The following TANC2 variants were observed in gnomAD, a reference collection of about 807,000 sequenced individuals.
TANC2 encodes protein TANC2.
In TANC2, 26 loss-of-function variants were observed where a neutral mutation model predicts 210.5. The ratio of observed to expected loss-of-function variants is 0.12; its 90% CI spans 0.09 to 0.17. The LOEUF (loss-of-function observed/expected upper bound fraction) is 0.17, where lower values mean the gene tolerates loss of function less well. Ranked by LOEUF, TANC2 falls within the 10% of genes least tolerant of loss-of-function variation. The pLI is 1.00. For synonymous variants in TANC2, 931 were observed against 967.1 expected (o/e 0.96, Z 0.69); for missense variants, 2,129 against 2,608.9 (o/e 0.82, Z 4.01).
intron 3 of TANC2, among the ~76,000 whole-genome samples, chr17:63,074,611 C>T (rs2036510253): frequency 6.6e-6 from 1 of 152,062 alleles, no homozygotes; most frequent in Admixed American, 6.5e-5. Context: ...CTTTATAGTA[C>T]TTACCACCTT....
chr17:63,235,419 G>T lies in TANC2; in HGVS notation c.770-2395G>T, dbSNP rs111613569. Among the ~76,000 whole-genome samples the T allele has an allele frequency of 3.6e-3, 554 of 152,128 alleles. 3 individuals are homozygous for T. The highest frequency in any genetic ancestry group is 0.013 in the African/African-American group (531 of 41,532). ...TCTCATAAGGTTTCCAAAGGGTTCT[G>T]TGATATTTCTGATTTCCTTTCTCAG... On this transcript the variant is annotated intron_variant, in intron 7 of 27. Coordinates refer to ENST00000689528, the Ensembl canonical transcript of TANC2.
chr17:63,315,102 C>CT (rs1299805216), intron 10 of TANC2, among the ~76,000 whole-genome samples: 2 of 152,138 alleles, frequency 1.3e-5, no homozygotes, highest in Non-Finnish European at 2.9e-5. Context: ...TGGACTTGAG[C>CT]TTCGTTGTGT....
At chr17:63,195,210 C>T (rs1446114765) in intron 6 of TANC2, among the ~76,000 whole-genome samples, 1 of 152,134 alleles carries the variant, frequency 6.6e-6, no homozygotes, top group East Asian at 1.9e-4. Flanking sequence ...TTATCTCTAG[C>T]CCTGCCTTTT....
At chr17:63,177,264 C>CAAAAA (rs755034454) in intron 5 of TANC2, among the ~76,000 whole-genome samples, 21 of 73,242 alleles carry the variant, frequency 2.9e-4, no homozygotes, top group African/African-American at 1.1e-3. Flanking sequence ...GACTCTGTCT[C>CAAAAA]AAAAAAAAAA....
intron 8 of TANC2, among the ~76,000 whole-genome samples, chr17:63,266,631 T>G (rs1279149027): frequency 6.6e-6 from 1 of 152,162 alleles, no homozygotes; most frequent in Non-Finnish European, 1.5e-5. Flanking sequence ...TTGGATTTCT[T>G]GATTAAAATT....
chr17:63,364,981 C>T (rs540715154), intron 14 of TANC2, among the ~76,000 whole-genome samples: 1 of 152,056 alleles, frequency 6.6e-6, no homozygotes, highest in South Asian at 2.1e-4. Flanking sequence ...GTAGGGCAGG[C>T]GATTAAGGGA....
chr17:63,015,197 A>G (rs920537542), intron 2 of TANC2, among the ~76,000 whole-genome samples: 2 of 151,986 alleles, frequency 1.3e-5, no homozygotes, highest in African/African-American at 4.8e-5. Context: ...AGCATTTGTA[A>G]TGAAGGGAAT....
chr17:63,192,331 C>T (rs983977425), intron 5 of TANC2, among the ~76,000 whole-genome samples: 3 of 152,122 alleles, frequency 2.0e-5, no homozygotes, highest in African/African-American at 7.2e-5. Context: ...CAGAAGAATT[C>T]TTGAACTTCT....
intron 19 of TANC2, among the ~76,000 whole-genome samples, chr17:63,400,578 A>G (rs4968771): frequency 0.077 from 11,694 of 152,220 alleles, 595 homozygotes; most frequent in Admixed American, 0.14. Context: ...CAATATAATT[A>G]TAATATTATA....
intron 5 of TANC2, among the ~76,000 whole-genome samples, chr17:63,171,548 A>G (rs891998038): frequency 1.3e-5 from 2 of 152,236 alleles, no homozygotes; most frequent in Non-Finnish European, 2.9e-5. Context: ...AAGAGCTATC[A>G]TGCAAAACAA....
intron 14 of TANC2, among the ~76,000 whole-genome samples, chr17:63,376,802 T>A (rs1243761671): frequency 6.6e-6 from 1 of 151,336 alleles, no homozygotes; most frequent in African/African-American, 2.4e-5. Context: ...ATCTGGAAAT[T>A]GCCACTGTAC....
chr17:63,076,099 G>A lies in TANC2; in HGVS notation c.139+2085G>A, dbSNP rs954444622. Among the ~76,000 whole-genome samples the A allele has an allele frequency of 7.9e-5, 12 of 152,262 alleles. No individual in the cohort carries two copies. The South Asian group carries it at 1.5e-3, about 18-fold the overall frequency. ...AATGGCAGTGTGTGGAAATGGAGAT[G>A]CAGTGACAATTGGTTGAAAGTCAGA... On this transcript the variant is annotated intron_variant, in intron 3 of 27. Transcript: ENST00000689528.
chr17:63,231,505 C>T (rs2042475244), intron 7 of TANC2, among the ~76,000 whole-genome samples: 1 of 152,138 alleles, frequency 6.6e-6, no homozygotes, highest in Non-Finnish European at 1.5e-5. Context: ...TTTTATTTCT[C>T]CTTCGCTTAT....
intron 6 of TANC2, among the ~76,000 whole-genome samples, chr17:63,199,554 G>A (rs1160355721): frequency 2.6e-5 from 4 of 151,802 alleles, no homozygotes; most frequent in Non-Finnish European, 4.4e-5. Flanking sequence ...GGGCAGCAGA[G>A]GTTGCAGTGA....
At chr17:63,131,898 A>G (rs1189820728) in intron 4 of TANC2, among the ~76,000 whole-genome samples, 1 of 152,212 alleles carries the variant, frequency 6.6e-6, no homozygotes, top group Non-Finnish European at 1.5e-5. Flanking sequence ...CCTCCTCAAT[A>G]GGATTTTGAG....
intron 1 of TANC2, among the ~76,000 whole-genome samples, chr17:62,986,086 G>A (rs982874914): frequency 6.6e-6 from 1 of 152,202 alleles, no homozygotes; most frequent in African/African-American, 2.4e-5. Flanking sequence ...CTGGGCAGAT[G>A]CTGTAGTGTA....
chr17:63,254,822 A>G (rs1199403629), intron 8 of TANC2, among the ~76,000 whole-genome samples: 1 of 152,138 alleles, frequency 6.6e-6, no homozygotes, highest in East Asian at 1.9e-4. Context: ...CCTGGGTTAA[A>G]TCCCACTTGG....
intron 2 of TANC2, among the ~76,000 whole-genome samples, chr17:63,013,816 A>C (rs1285142256): frequency 6.8e-6 from 1 of 147,438 alleles, no homozygotes; most frequent in Non-Finnish European, 1.5e-5. Context: ...GCTTTTATTC[A>C]TTTTGTAGGA....
chr17:62,972,465 C>T (rs1293140636), intron 1 of TANC2, among the ~76,000 whole-genome samples: 5 of 152,174 alleles, frequency 3.3e-5, no homozygotes, highest in Non-Finnish European at 7.3e-5. Flanking sequence ...TCATGTCACT[C>T]ATTTAAACTG....
Sources: gnomAD v4.1 joint callset for allele counts (sites outside exome capture counted in the v4.1 genomes callset) on GRCh38, gnomAD v4.1.1 for gene constraint, MANE v1.5 for transcripts, NCBI Gene and HGNC (gene_info 2026-07-23, HGNC 2026-07-21) for gene names.